WDR13: variants seen among roughly 807,000 people sequenced by gnomAD.
WDR13 encodes WD repeat-containing protein 13.
WDR13 carries 1 observed loss-of-function variant against 28.6 expected under a neutral mutation model. The observed-to-expected ratio is 0.03, with a 90% CI of 0.01 to 0.17. The LOEUF (loss-of-function observed/expected upper bound fraction) is 0.17. Ranked by LOEUF, WDR13 falls within the 10% of genes least tolerant of loss-of-function variation. The pLI is 1.00. For missense variants in WDR13, 264 were observed against 469.3 expected (o/e 0.56, Z 4.04); for synonymous variants, 201 against 185.9 (o/e 1.08, Z -0.66).
Position 48,608,868 on chromosome X carries a change from C to T in WDR13, c.*3836C>T, listed in dbSNP as rs1556996458. 1 of 111,577 alleles carries T rather than the reference C, an allele frequency of 9.0e-6. No homozygotes were observed. Among genetic ancestry groups the T allele is most frequent in the Admixed American group, 9.6e-5 (1 of 10,398 alleles). The allele number at this position is 111,577 out of a possible 1,213,427, so 9.2% of individuals were successfully genotyped here. A position where few individuals can be genotyped will look rare whatever the true frequency, so the allele number is the denominator to read the frequency against. ...AGAATAAAAATAGTGTTATCAGTCA[C>T]ATTTGGGCCTCGGTTAACTTGTTCA... On this transcript the variant is annotated 3_prime_UTR_variant, in exon 10 of 10. Transcript: ENST00000376729.
At chrX:48,597,870 G>T in intron 1 of WDR13, 88 bp from the exon 2 acceptor site, 1 of 1,062,979 alleles carries the variant, frequency 9.4e-7, no homozygotes, top group South Asian at 2.4e-5. Context: ...GGAGGGACTC[G>T]ATGTCTATGG....
Position 48,606,647 on chromosome X carries a change from A to T in WDR13, c.*1615A>T, listed in dbSNP as rs2062222363. 8.9e-6 allele frequency: 1 copy of T among 112,370 alleles called. No homozygotes were observed. Among genetic ancestry groups the T allele is most frequent in the Admixed American group, 9.5e-5 (1 of 10,550 alleles). 9.3% of individuals were successfully genotyped at this position (112,370 alleles called of 1,213,427 possible). ...TGGGGGTAAATAACCAAAATCACTT[A>T]TCAGTGGCCTGCGTCACCAGAAAAT... On this transcript the variant is annotated 3_prime_UTR_variant, in exon 10 of 10. Transcript: ENST00000376729.
At chrX:48,598,643 C>CGGGGGGGG in intron 2 of WDR13, 74 bp from the exon 3 acceptor site, 1 of 1,086,120 alleles carries the variant, frequency 9.2e-7, no homozygotes. Context: ...ACTCTCCTGC[C>CGGGGGGGG]GTACCCCCCC....
chrX:48,602,128 C>T lies in WDR13; in HGVS notation c.1076C>T (p.Ala359Val). ...GGGAGCCCTGTGACCAGCATCTCAG[C>T]CCGGTCCTGGGTCAGCCGCGAGGCC... The part of the protein sequence containing the change: ...HEGSPVTSIS[A>V]RSWVSREARD... Residue 359 changes from alanine to valine, a missense_variant, in exon 8 of 10, where the codon GCC (alanine) becomes GTC (valine). This residue lies in a region of WDR13 where 157 missense variants were observed against 270.2 expected (regional missense o/e 0.58). Coordinates refer to ENST00000376729, the MANE Select transcript of WDR13 (RefSeq NM_001347217.2). 1 of 1,211,866 alleles carries T rather than the reference C, an allele frequency of 8.3e-7. No homozygotes were observed. Among genetic ancestry groups the T allele is most frequent in the Non-Finnish European group, 1.1e-6 (1 of 895,449 alleles).
rs2062225480 is a variant in WDR13, at chrX:48,607,228, C to T, written c.*2196C>T. On this transcript the variant is annotated 3_prime_UTR_variant, in exon 10 of 10. Coordinates refer to ENST00000376729, the MANE Select transcript of WDR13 (RefSeq NM_001347217.2). The stretch of plus-strand genomic sequence containing the variant: ...GAGACCCAGGCACAAGTTTCCAGGG[C>T]TTCTCTCTCATTGGAGTCACACAAG... 1 of 111,096 alleles carries T rather than the reference C, an allele frequency of 9.0e-6. No homozygotes were observed. Among genetic ancestry groups the T allele is most frequent in the Non-Finnish European group, 1.9e-5 (1 of 53,012 alleles). The allele number at this position is 111,096 out of a possible 1,213,427, so 9.2% of individuals were successfully genotyped here.
chrX:48,599,216 A>C, intron 3 of WDR13, 137 bp from the exon 4 acceptor site: 1 of 617,640 alleles, frequency 1.6e-6, no homozygotes, highest in East Asian at 3.6e-5. Context: ...CTGCAGTAGT[A>C]CAAGTGGGCA....
intron 2 of WDR13, 24 bp downstream of exon 2, chrX:48,598,061 T>A: frequency 2.6e-6 from 3 of 1,163,158 alleles, no homozygotes; most frequent in Non-Finnish European, 3.4e-6. Context: ...TCAAAGCCCA[T>A]GGGAGCAGAA....
Position 48,597,982 on chromosome X carries a change from G to A in WDR13, c.-15G>A, listed in dbSNP as rs1486401313. On this transcript the variant is annotated 5_prime_UTR_variant, in exon 2 of 10. Transcript: ENST00000376729. Reference sequence around the variant, plus strand: ...GGCTGCCGCGGGCGGACACGCCAGAGGAGGAGGCCGGGGAATGGCCGCGGT... The same window carrying A: ...GGCTGCCGCGGGCGGACACGCCAGAAGAGGAGGCCGGGGAATGGCCGCGGT... 8.6e-7 allele frequency: 1 copy of A among 1,164,775 alleles called. No individual in the cohort carries two copies. The highest frequency in any genetic ancestry group is 1.8e-5 in the African/African-American group (1 of 56,054).
At chrX:48,602,321 T>C (rs144190941) in intron 8 of WDR13, 115 bp downstream of exon 8, 12,566 of 863,662 alleles carry the variant, frequency 0.015, 85 homozygotes, top group Non-Finnish European at 0.016. Flanking sequence ...GTAGTAGCAG[T>C]AACAGTAATA....
chrX:48,598,085 A>G (rs782039881), intron 2 of WDR13, 48 bp downstream of exon 2: 2 of 1,157,479 alleles, frequency 1.7e-6, no homozygotes, highest in Admixed American at 2.7e-5. Context: ...ACTGTGGTGC[A>G]TGCGCAATGG....
intron 5 of WDR13, 138 bp from the exon 6 acceptor site, chrX:48,600,181 C>T: frequency 1.6e-6 from 1 of 618,141 alleles, no homozygotes; most frequent in Non-Finnish European, 2.4e-6. Flanking sequence ...CCTTTGTCAG[C>T]CAAGGAAAGC....
chrX:48,602,866 T>C (rs1269835001), intron 8 of WDR13, among the ~76,000 whole-genome samples: 1 of 111,233 alleles, frequency 9.0e-6, no homozygotes, highest in African/African-American at 3.3e-5. Context: ...AATTTAAGCG[T>C]ACCCTTAAGT....
chrX:48,599,744 C>T (rs1375400485), intron 5 of WDR13, 27 bp downstream of exon 5: 2 of 1,208,339 alleles, frequency 1.7e-6, no homozygotes, highest in South Asian at 1.8e-5. Context: ...CGGGTTCCAT[C>T]ACCAAGCGTT....
In WDR13 at chrX:48,606,454, C is replaced by T. The variant is rs1280810203; in HGVS notation, c.*1422C>T. 1 of 110,811 alleles carries T rather than the reference C, an allele frequency of 9.0e-6. No homozygotes were observed. The highest frequency in any genetic ancestry group is 1.9e-5 in the Non-Finnish European group (1 of 52,918). 9.1% of individuals were successfully genotyped at this position (110,811 alleles called of 1,213,427 possible). A position where few individuals can be genotyped will look rare whatever the true frequency, so the allele number is the denominator to read the frequency against. On this transcript the variant is annotated 3_prime_UTR_variant, in exon 10 of 10. Coordinates refer to ENST00000376729, the MANE Select transcript of WDR13 (RefSeq NM_001347217.2). ...GGAGCAACGGGAAGTTAAGGCTGAC[C>T]TGGGGCCTCCTGCTGTGTGGCGGAA...
chrX:48,602,182 G>A lies in WDR13; in HGVS notation c.1130G>A (p.Cys377Tyr). ...ARDPSLLINA[C>Y]LNKLLLYRVV... is the part of the protein sequence containing the mutation. ...GATCCCTCACTGCTCATCAATGCTT[G>A]CCTCAACAAGTTGCTGCTCTACAGG... Residue 377 changes from cysteine (C) to tyrosine (Y), a missense_variant, in exon 8 of 10, where the codon TGC (cysteine) becomes TAC (tyrosine). This residue lies in a region of WDR13 where 157 missense variants were observed against 270.2 expected (regional missense o/e 0.58). Transcript: ENST00000376729. 8.3e-7 allele frequency: 1 copy of A among 1,210,620 alleles called. No homozygotes were observed. Among genetic ancestry groups the A allele is most frequent in the Non-Finnish European group, 1.1e-6 (1 of 894,320 alleles).
At chrX:48,599,308 G>A (rs782302501) in intron 3 of WDR13, 45 bp from the exon 4 acceptor site, 9 of 1,038,680 alleles carry the variant, frequency 8.7e-6, no homozygotes, top group Middle Eastern at 3.2e-4. Context: ...AAAGGTTCTC[G>A]GGCTTTTTGC....
chrX:48,597,783 G>A (rs1456952482), intron 1 of WDR13, 169 bp downstream of exon 1: 1 of 527,483 alleles, frequency 1.9e-6, no homozygotes, highest in Admixed American at 5.2e-5. Context: ...GTGTCACCCG[G>A]GCGCTGCCCA....
chrX:48,603,937 A>G (rs1250822093), intron 8 of WDR13, among the ~76,000 whole-genome samples: 1 of 111,397 alleles, frequency 9.0e-6, no homozygotes, highest in Non-Finnish European at 1.9e-5. Context: ...TCAGTAACTC[A>G]CACATCAGCC....
chrX:48,608,073 T>G lies in WDR13; in HGVS notation c.*3041T>G, dbSNP rs1210144412. 1 of 110,136 alleles carries G rather than the reference T, an allele frequency of 9.1e-6. No individual in the cohort carries two copies. The highest frequency in any genetic ancestry group is 3.3e-5 in the African/African-American group (1 of 30,319). 9.1% of individuals were successfully genotyped at this position (110,136 alleles called of 1,213,427 possible). A position where few individuals can be genotyped will look rare whatever the true frequency, so the allele number is the denominator to read the frequency against. Reference sequence around the variant, plus strand: ...GCATGAGCCACCGCTCCTGGCCCACTTTTTTATACAAACAGCTTAGGTAGA... The same window carrying G: ...GCATGAGCCACCGCTCCTGGCCCACGTTTTTATACAAACAGCTTAGGTAGA... On this transcript the variant is annotated 3_prime_UTR_variant, in exon 10 of 10. Coordinates refer to ENST00000376729, the MANE Select transcript of WDR13 (RefSeq NM_001347217.2).
Sources: gnomAD v4.1 joint callset for allele counts (sites outside exome capture counted in the v4.1 genomes callset) on GRCh38, gnomAD v4.1.1 for gene constraint, gnomAD v4.1.1 regional missense constraint, MANE v1.5 for transcripts, NCBI Gene and HGNC (gene_info 2026-07-23, HGNC 2026-07-21) for gene names.